The following CTTN variants were observed in gnomAD, a reference collection of about 807,000 sequenced individuals.
CTTN encodes the protein cortactin, also known as src substrate cortactin.
In CTTN, 28 loss-of-function variants were observed where a neutral mutation model predicts 84.0. The observed-to-expected ratio is 0.33, with a 90% CI of 0.25 to 0.46. CTTN has a LOEUF of 0.46. Among genes scored for constraint, CTTN ranks in the 20% least tolerant of loss-of-function variants. The pLI is 1.00. For missense variants in CTTN, 641 were observed against 723.8 expected (o/e 0.89, Z 1.31); for synonymous variants, 301 against 288.8 (o/e 1.04, Z -0.43).
intron 1 of CTTN, among the ~76,000 whole-genome samples, chr11:70,401,541 A>T (rs1008828099): frequency 1.3e-5 from 2 of 151,986 alleles, no homozygotes; most frequent in African/African-American, 2.4e-5. Context: ...CCAGCTACTC[A>T]GGAGGGTGAG....
chr11:70,400,484 T>A (rs1222839755), intron 1 of CTTN, among the ~76,000 whole-genome samples: 1 of 152,028 alleles, frequency 6.6e-6, no homozygotes, highest in Non-Finnish European at 1.5e-5. Context: ...GCAGAGGCTC[T>A]TCACAGGTGC....
intron 17 of CTTN, among the ~76,000 whole-genome samples, chr11:70,434,812 G>A (rs1473905292): frequency 6.6e-6 from 1 of 152,198 alleles, no homozygotes; most frequent in Non-Finnish European, 1.5e-5. Context: ...TTGTGTGAAG[G>A]GCTCTGTGCC....
intron 4 of CTTN, chr11:70,408,059 G>C (rs2058062731): frequency 6.5e-6 from 1 of 154,902 alleles, no homozygotes; most frequent in Non-Finnish European, 1.4e-5. Flanking sequence ...CGAAAGCCCA[G>C]AGTTGGGCAC....
intron 1 of CTTN, among the ~76,000 whole-genome samples, chr11:70,401,681 A>G (rs1021845217): frequency 7.2e-5 from 11 of 151,896 alleles, no homozygotes; most frequent in South Asian, 4.2e-4. Context: ...AAGAGAGAGA[A>G]AAATCAGCTT....
At chr11:70,428,004 G>A (rs1309652860) in intron 13 of CTTN, among the ~76,000 whole-genome samples, 1 of 152,014 alleles carries the variant, frequency 6.6e-6, no homozygotes, top group Non-Finnish European at 1.5e-5. Flanking sequence ...AACCATAGTT[G>A]GACTGTCAGT....
intron 1 of CTTN, among the ~76,000 whole-genome samples, chr11:70,400,525 G>T (rs1487811283): frequency 6.6e-6 from 1 of 152,110 alleles, no homozygotes; most frequent in African/African-American, 2.4e-5. Flanking sequence ...TGAACTGCTG[G>T]CCTTAAGCGA....
intron 1 of CTTN, among the ~76,000 whole-genome samples, chr11:70,404,551 G>GT (rs1208699404): frequency 6.6e-6 from 1 of 152,120 alleles, no homozygotes; most frequent in Non-Finnish European, 1.5e-5. Flanking sequence ...CTCAAGGAGT[G>GT]TTTTTCTTAT....
At chr11:70,421,849 C>T in intron 11 of CTTN, 1 of 432,388 alleles carries the variant, frequency 2.3e-6, no homozygotes, top group Non-Finnish European at 4.2e-6. Context: ...CCCGGTGACC[C>T]ATCCAGTCTC....
chr11:70,404,728 C>T (rs1039488019), intron 1 of CTTN, among the ~76,000 whole-genome samples: 5 of 152,224 alleles, frequency 3.3e-5, no homozygotes, highest in South Asian at 2.1e-4. Flanking sequence ...GTAGGCCGGG[C>T]GCCATGCCTC....
chr11:70,435,612 G>A lies in CTTN; in HGVS notation c.*450G>A. ...TGTCCCAGACGAGGGGCTTCCTCTA[G>A]AGTCTCACTGCTGGGGAGGAGAGGA... On this transcript the variant is annotated 3_prime_UTR_variant, in exon 18 of 18. Coordinates refer to ENST00000301843, the MANE Select transcript of CTTN (RefSeq NM_005231.4). 6.3e-7 allele frequency: 1 copy of A among 1,588,390 alleles called. No individual in the cohort carries two copies. The highest frequency in any genetic ancestry group is 8.5e-7 in the Non-Finnish European group (1 of 1,174,912).
intron 15 of CTTN, 115 bp from the exon 16 acceptor site, chr11:70,432,986 T>G: frequency 8.8e-7 from 1 of 1,140,858 alleles, no homozygotes; most frequent in South Asian, 1.5e-5. Flanking sequence ...TTCTCAGTCC[T>G]GGCTGGGACT....
At chr11:70,427,505 C>T (rs1009856001) in intron 13 of CTTN, among the ~76,000 whole-genome samples, 9 of 152,244 alleles carry the variant, frequency 5.9e-5, no homozygotes, top group Non-Finnish European at 8.8e-5. Flanking sequence ...ATCGATGTTA[C>T]GTTGTTTAGG....
chr11:70,402,560 A>G (rs937291363), intron 1 of CTTN, among the ~76,000 whole-genome samples: 1 of 152,200 alleles, frequency 6.6e-6, no homozygotes, highest in South Asian at 2.1e-4. Context: ...TGAACTCCAG[A>G]CATTTCCTAG....
intron 13 of CTTN, among the ~76,000 whole-genome samples, chr11:70,428,385 T>C (rs11236254): frequency 0.2 from 29,692 of 151,918 alleles, 3,376 homozygotes; most frequent in Admixed American, 0.26. Context: ...AGGATGGTCT[T>C]GATCTCTTGA....
chr11:70,399,580 T>A (rs1226289642), intron 1 of CTTN, among the ~76,000 whole-genome samples: 1 of 151,494 alleles, frequency 6.6e-6, no homozygotes, highest in African/African-American at 2.4e-5. Flanking sequence ...TCCTTCGGGG[T>A]GTGTTTAAAA....
At chr11:70,406,537 C>A (rs1206681786) in intron 2 of CTTN, among the ~76,000 whole-genome samples, 1 of 147,966 alleles carries the variant, frequency 6.8e-6, no homozygotes, top group East Asian at 2.0e-4. Flanking sequence ...AAAAAAAAAA[C>A]CTTAAAATTT....
intron 17 of CTTN, among the ~76,000 whole-genome samples, chr11:70,434,063 G>T (rs1191720813): frequency 1.3e-5 from 2 of 152,208 alleles, no homozygotes; most frequent in South Asian, 2.1e-4. Flanking sequence ...TGAGGGGGCC[G>T]CACAGATGCC....
At chr11:70,418,257 C>G (rs1311365299) in intron 8 of CTTN, among the ~76,000 whole-genome samples, 1 of 152,236 alleles carries the variant, frequency 6.6e-6, no homozygotes, top group Admixed American at 6.5e-5. Context: ...CTGGCCTGGC[C>G]TTGCCTTCCT....
At chr11:70,434,083 G>C (rs994423224) in intron 17 of CTTN, among the ~76,000 whole-genome samples, 1 of 152,196 alleles carries the variant, frequency 6.6e-6, no homozygotes, top group African/African-American at 2.4e-5. Context: ...CTTGATGTTC[G>C]AGACCCCATT....
Sources: gnomAD v4.1 joint callset for allele counts (sites outside exome capture counted in the v4.1 genomes callset) on GRCh38, gnomAD v4.1.1 for gene constraint, MANE v1.5 for transcripts, NCBI Gene and HGNC (gene_info 2026-07-23, HGNC 2026-07-21) for gene names.